Variants in DPYD observed in about 807,000 individuals in gnomAD.
The protein encoded by DPYD is dihydropyrimidine dehydrogenase, also known as dihydropyrimidine dehydrogenase [NADP(+)].
A neutral mutation model predicts 116.2 loss-of-function variants in DPYD; 109 were observed. The observed-to-expected ratio is 0.94, with a 90% confidence interval of 0.80 to 1.10. The LOEUF is 1.10. Ranked by LOEUF, DPYD falls within the 50% of genes least tolerant of loss-of-function variation. DPYD has a pLI of 0.00. For synonymous variants in DPYD, 440 were observed against 432.0 expected (o/e 1.02, Z -0.23); for missense variants, 1,302 against 1,254.5 (o/e 1.04, Z -0.57).
rs6593638 is a variant in DPYD, at chr1:97,189,507, G to A, written c.2622+3562C>T. On this transcript the variant is annotated intron_variant, in intron 20 of 22. Coordinates refer to ENST00000370192, the MANE Select transcript of DPYD (RefSeq NM_000110.4). ...TTGCAAAATTTGTTGTTCAAATATC[G>A]GACTGTCCAATTTCTTTCATGTTTC... is the stretch of plus-strand genomic sequence containing the variant. Among the ~76,000 whole-genome samples the A allele has an allele frequency of 3.7e-3, 567 of 152,102 alleles. 7 individuals are homozygous for A. Among genetic ancestry groups the A allele is most frequent in the African/African-American group, 0.013 (549 of 41,506 alleles).
chr1:97,574,645 GT>G (rs1653143265), intron 10 of DPYD, among the ~76,000 whole-genome samples: 1 of 151,960 alleles, frequency 6.6e-6, no homozygotes, highest in African/African-American at 2.4e-5. Flanking sequence ...GTTTCTGTTT[GT>G]TTTCATATGC....
intron 6 of DPYD, among the ~76,000 whole-genome samples, chr1:97,697,495 C>T (rs1173353722): frequency 6.6e-6 from 1 of 152,030 alleles, no homozygotes. Flanking sequence ...TAAATTCCAG[C>T]ATCAGTTTTT....
chr1:97,358,375 G>A (rs1670531843), intron 16 of DPYD, among the ~76,000 whole-genome samples: 1 of 152,238 alleles, frequency 6.6e-6, no homozygotes, highest in African/African-American at 2.4e-5. Flanking sequence ...TGGGGGCAGG[G>A]CATAGCTGAA....
intron 20 of DPYD, among the ~76,000 whole-genome samples, chr1:97,177,319 T>C (rs1657349680): frequency 6.6e-6 from 1 of 152,176 alleles, no homozygotes; most frequent in Admixed American, 6.5e-5. Flanking sequence ...AGTCAGTTGT[T>C]GAATGTCACA....
intron 3 of DPYD, among the ~76,000 whole-genome samples, chr1:97,746,962 C>T (rs1406954421): frequency 7.3e-5 from 11 of 149,926 alleles, no homozygotes; most frequent in South Asian, 4.2e-4. Context: ...TGTTGCTAAA[C>T]GAATGTACTG....
At chr1:97,386,902 G>C (rs1001287501) in intron 14 of DPYD, among the ~76,000 whole-genome samples, 1 of 151,868 alleles carries the variant, frequency 6.6e-6, no homozygotes, top group Admixed American at 6.6e-5. Flanking sequence ...TTGATAATTA[G>C]GAAGCCCTTC....
In DPYD at chr1:97,749,868, AC is replaced by A. The variant is rs546131454; in HGVS notation, c.234-9390del. ...TTCACAGACCTTGATGACAGTACTA[AC>A]AGTTTTTATTATAGCTTTTCTATTG... On this transcript the variant is annotated intron_variant, in intron 3 of 22. Transcript: ENST00000370192. Among the ~76,000 whole-genome samples, 8 of 152,212 alleles carry A rather than the reference AC, an allele frequency of 5.3e-5. No individual in the cohort carries two copies. The South Asian group carries it at 1.7e-3, about 31-fold the overall frequency.
chr1:97,333,076 T>C (rs1196475064), intron 16 of DPYD, among the ~76,000 whole-genome samples: 1 of 151,296 alleles, frequency 6.6e-6, no homozygotes, highest in African/African-American at 2.4e-5. Flanking sequence ...TTTTTTTTTT[T>C]CAGACAGAGT....
At chr1:97,316,244 C>T (rs750010546) in intron 16 of DPYD, among the ~76,000 whole-genome samples, 11 of 151,502 alleles carry the variant, frequency 7.3e-5, no homozygotes, top group Non-Finnish European at 1.6e-4. Context: ...AATCCCAGCA[C>T]TTTGGAAGAC....
chr1:97,783,242 C>A (rs1053401806), intron 3 of DPYD, among the ~76,000 whole-genome samples: 1 of 152,162 alleles, frequency 6.6e-6, no homozygotes, highest in African/African-American at 2.4e-5. Flanking sequence ...GATCATCCTA[C>A]TTAAAGTAAT....
chr1:97,674,222 T>C (rs1660022374), intron 8 of DPYD, among the ~76,000 whole-genome samples: 1 of 152,158 alleles, frequency 6.6e-6, no homozygotes, highest in South Asian at 2.1e-4. Flanking sequence ...GAAAATCTTT[T>C]GGGTGGACAC....
In DPYD at chr1:97,352,611, G is replaced by A. The variant is rs114200049; in HGVS notation, c.2058+20950C>T. ...AGATTCTATGTGAACTGATCTACAG[G>A]GAAGAAATAGGTCTACACTGTTTTC... On this transcript the variant is annotated intron_variant, in intron 16 of 22. Coordinates refer to ENST00000370192, the MANE Select transcript of DPYD (RefSeq NM_000110.4). 3.4e-3 allele frequency among the ~76,000 whole-genome samples: 521 copies of A among 151,248 alleles called. 2 individuals are homozygous for A. Among genetic ancestry groups the A allele is most frequent in the African/African-American group, 0.012 (505 of 41,334 alleles).
chr1:97,111,359 C>T (rs984140454), intron 20 of DPYD, among the ~76,000 whole-genome samples: 4 of 152,088 alleles, frequency 2.6e-5, no homozygotes, highest in African/African-American at 9.7e-5. Context: ...GTTTATCTGG[C>T]CCCTGCCCAC....
At chr1:97,359,925 A>T (rs547286399) in intron 16 of DPYD, among the ~76,000 whole-genome samples, 1 of 152,200 alleles carries the variant, frequency 6.6e-6, no homozygotes, top group Non-Finnish European at 1.5e-5. Context: ...ACCAGCTAAC[A>T]TCATAATGAC....
chr1:97,501,001 C>A (rs1380842010), intron 13 of DPYD, among the ~76,000 whole-genome samples: 1 of 152,058 alleles, frequency 6.6e-6, no homozygotes, highest in African/African-American at 2.4e-5. Context: ...AATTAGTCAA[C>A]ACCTCTCAGA....
At chr1:97,286,554 C>A (rs1261077163) in intron 18 of DPYD, among the ~76,000 whole-genome samples, 13 of 152,176 alleles carry the variant, frequency 8.5e-5, no homozygotes, top group Non-Finnish European at 1.6e-4. Context: ...CTTTCAGGTA[C>A]ACCAATCAGA....
At chr1:97,382,330 A>G in intron 15 of DPYD, 63 bp downstream of exon 15, 1 of 1,001,060 alleles carries the variant, frequency 1.0e-6, no homozygotes, top group Non-Finnish European at 1.5e-6. Flanking sequence ...GCAGCTCTTT[A>G]TTTAAAACTA....
rs977516608 is a variant in DPYD, at chr1:97,266,758, C to A, written c.2300-31764G>T. On this transcript the variant is annotated intron_variant, in intron 18 of 22. Transcript: ENST00000370192. ...AGTGTTCTCATCGTTCAATTCCTACCTATGAGTGAGAACATGGGGTGTTTG... is the reference window on the plus strand; with the variant it reads ...AGTGTTCTCATCGTTCAATTCCTACATATGAGTGAGAACATGGGGTGTTTG... Among the ~76,000 whole-genome samples the A allele has an allele frequency of 4.1e-4, 62 of 152,016 alleles. 1 individual carries two copies. The highest frequency in any genetic ancestry group is 3.9e-3 in the Admixed American group (60 of 15,244).
At chr1:97,096,563 C>A (rs905348004) in intron 21 of DPYD, among the ~76,000 whole-genome samples, 31 of 152,206 alleles carry the variant, frequency 2.0e-4, no homozygotes, top group Non-Finnish European at 2.8e-4. Context: ...TAAAATGCAC[C>A]AATCAGCACT....
Sources: gnomAD v4.1 joint callset for allele counts (sites outside exome capture counted in the v4.1 genomes callset) on GRCh38, gnomAD v4.1.1 for gene constraint, MANE v1.5 for transcripts, NCBI Gene and HGNC (gene_info 2026-07-23, HGNC 2026-07-21) for gene names.